Variants in MARK1 observed in about 807,000 individuals in gnomAD.
The protein encoded by MARK1 is serine/threonine-protein kinase MARK1.
A neutral mutation model predicts 96.3 loss-of-function variants in MARK1; 40 were observed. That is an observed-to-expected ratio of 0.42 (90% CI 0.32 to 0.54). MARK1 has a LOEUF of 0.54. Among genes scored for constraint, MARK1 ranks in the 20% least tolerant of loss-of-function variants. MARK1 has a pLI of 0.16. For synonymous variants in MARK1, 317 were observed against 341.2 expected (o/e 0.93, Z 0.78); for missense variants, 719 against 984.6 (o/e 0.73, Z 3.61).
At chr1:220,539,263 G>A (rs952245615) in intron 1 of MARK1, among the ~76,000 whole-genome samples, 3 of 152,160 alleles carry the variant, frequency 2.0e-5, no homozygotes, top group Admixed American at 1.3e-4. Flanking sequence ...AATTTATTGA[G>A]AGTTTTTAGT....
intron 3 of MARK1, among the ~76,000 whole-genome samples, chr1:220,584,522 C>CTGTTATATAAAA (rs1396334387): frequency 1.3e-5 from 2 of 152,130 alleles, no homozygotes; most frequent in African/African-American, 4.8e-5. Flanking sequence ...GGTGTGTTAC[C>CTGTTATATAAAA]TGTTATATAA....
At chr1:220,572,492 C>T (rs1663543090) in intron 1 of MARK1, among the ~76,000 whole-genome samples, 1 of 152,242 alleles carries the variant, frequency 6.6e-6, no homozygotes, top group Admixed American at 6.5e-5. Context: ...ATCTGCCCTC[C>T]TCAGCCTCCT....
At chr1:220,540,995 G>A (rs1429802009) in intron 1 of MARK1, among the ~76,000 whole-genome samples, 1 of 151,774 alleles carries the variant, frequency 6.6e-6, no homozygotes, top group East Asian at 1.9e-4. Flanking sequence ...GAGCTGTGGT[G>A]CAATCTCAGC....
At chr1:220,659,156 C>G (rs1327138390) in intron 17 of MARK1, among the ~76,000 whole-genome samples, 1 of 152,052 alleles carries the variant, frequency 6.6e-6, no homozygotes, top group East Asian at 1.9e-4. Flanking sequence ...TTCACATTCC[C>G]TTTTGTTTGG....
chr1:220,635,620 T>C, intron 12 of MARK1, 91 bp downstream of exon 12: 2 of 1,376,822 alleles, frequency 1.5e-6, no homozygotes, highest in South Asian at 1.4e-5. Flanking sequence ...CTCTATGTGC[T>C]TGTGTTATCT....
At chr1:220,613,859 G>A (rs532746464) in intron 6 of MARK1, among the ~76,000 whole-genome samples, 50 of 152,230 alleles carry the variant, frequency 3.3e-4, no homozygotes, top group African/African-American at 1.2e-3. Flanking sequence ...TACCTGCCTA[G>A]TTTTGAATTC....
At chr1:220,586,515 G>A (rs1389373567) in intron 3 of MARK1, among the ~76,000 whole-genome samples, 1 of 152,082 alleles carries the variant, frequency 6.6e-6, no homozygotes, top group Admixed American at 6.5e-5. Flanking sequence ...ATTTTTATTT[G>A]TTTTGGTTTT....
At chr1:220,549,595 G>T (rs1169441398) in intron 1 of MARK1, among the ~76,000 whole-genome samples, 1 of 152,198 alleles carries the variant, frequency 6.6e-6, no homozygotes, top group Non-Finnish European at 1.5e-5. Flanking sequence ...GTGTAAGAGG[G>T]CCACTGTGAA....
chr1:220,535,576 G>C (rs1288816731), intron 1 of MARK1, among the ~76,000 whole-genome samples: 1 of 151,996 alleles, frequency 6.6e-6, no homozygotes, highest in African/African-American at 2.4e-5. Flanking sequence ...TCATATACAA[G>C]AAATCTTTGT....
intron 1 of MARK1, among the ~76,000 whole-genome samples, chr1:220,530,588 A>G (rs866711601): frequency 6.6e-6 from 1 of 152,204 alleles, no homozygotes; most frequent in Non-Finnish European, 1.5e-5. Flanking sequence ...ACTTGTATGA[A>G]TAAGGTACTT....
chr1:220,554,126 G>A (rs991221371), intron 1 of MARK1, among the ~76,000 whole-genome samples: 1 of 152,132 alleles, frequency 6.6e-6, no homozygotes, highest in Non-Finnish European at 1.5e-5. Flanking sequence ...AGACTCCTGG[G>A]AATTTCACTG....
intron 16 of MARK1, among the ~76,000 whole-genome samples, chr1:220,655,161 G>A (rs1243736193): frequency 2.0e-5 from 3 of 152,088 alleles, no homozygotes; most frequent in Non-Finnish European, 4.4e-5. Context: ...AGGCTCCTTT[G>A]CTGGCTTTTT....
chr1:220,631,251 T>G, intron 10 of MARK1, 117 bp downstream of exon 10: 1 of 550,380 alleles, frequency 1.8e-6, no homozygotes, highest in Non-Finnish European at 3.2e-6. Context: ...TGAAAAATAC[T>G]TGCATTGTCA....
intron 9 of MARK1, among the ~76,000 whole-genome samples, chr1:220,619,788 A>C (rs1666954861): frequency 6.6e-6 from 1 of 152,222 alleles, no homozygotes; most frequent in East Asian, 1.9e-4. Flanking sequence ...TTTAGCCTTT[A>C]CTAAGATAAT....
At chr1:220,535,935 A>G (rs1389137596) in intron 1 of MARK1, among the ~76,000 whole-genome samples, 1 of 152,210 alleles carries the variant, frequency 6.6e-6, no homozygotes, top group Non-Finnish European at 1.5e-5. Flanking sequence ...TTTTGAAGCC[A>G]GTAAGTGTGA....
chr1:220,648,655 T>C (rs183474788), intron 13 of MARK1, among the ~76,000 whole-genome samples: 8 of 152,300 alleles, frequency 5.3e-5, no homozygotes, highest in Admixed American at 4.6e-4. Flanking sequence ...CAGAAACATT[T>C]TAGAGGCTTC....
At chr1:220,599,445 G>T (rs1439184376) in intron 4 of MARK1, among the ~76,000 whole-genome samples, 1 of 151,896 alleles carries the variant, frequency 6.6e-6, no homozygotes, top group African/African-American at 2.4e-5. Flanking sequence ...AGCATTTTTT[G>T]ATGTCTCACT....
chr1:220,623,975 C>T (rs1198651887), intron 9 of MARK1, among the ~76,000 whole-genome samples: 1 of 152,188 alleles, frequency 6.6e-6, no homozygotes, highest in African/African-American at 2.4e-5. Context: ...TTAAAACTCA[C>T]TGCTAATAAC....
intron 7 of MARK1, 67 bp downstream of exon 7, chr1:220,616,062 A>T: frequency 1.3e-6 from 1 of 778,424 alleles, no homozygotes; most frequent in Non-Finnish European, 2.0e-6. Flanking sequence ...TAATAATAAT[A>T]TTAGAGCTGT....
Sources: allele counts gnomAD v4.1 joint callset (sites outside exome capture counted in the v4.1 genomes callset), GRCh38; gene constraint gnomAD v4.1.1; transcripts MANE v1.5; gene names NCBI Gene and HGNC (gene_info 2026-07-23, HGNC 2026-07-21).